The following FGF14 variants were observed in gnomAD, a reference collection of about 807,000 sequenced individuals.
The protein encoded by FGF14 is fibroblast growth factor 14.
In FGF14, 5 loss-of-function variants were observed where a neutral mutation model predicts 25.5. The observed-to-expected ratio is 0.20, with a 90% CI of 0.10 to 0.41. The LOEUF (loss-of-function observed/expected upper bound fraction) is 0.41. FGF14 is among the 10% of genes least tolerant of loss of function. FGF14 has a pLI of 1.00. For synonymous variants in FGF14, 138 were observed against 118.3 expected, an observed-to-expected ratio of 1.17 and a Z score of -1.08; for missense variants, 222 against 320.1, an observed-to-expected ratio of 0.69 and a Z score of 2.34.
chr13:102,258,137 A>C (rs376209228), intron 1 of FGF14, among the ~76,000 whole-genome samples: 1 of 152,136 alleles, frequency 6.6e-6, no homozygotes, highest in Non-Finnish European at 1.5e-5. Flanking sequence ...ATCTTGTAAG[A>C]CTTCTTCACT....
At chr13:102,050,697 G>A (rs61966527) in intron 1 of FGF14, among the ~76,000 whole-genome samples, 4 of 152,016 alleles carry the variant, frequency 2.6e-5, no homozygotes, top group East Asian at 1.9e-4. Flanking sequence ...AAGAAAAAGC[G>A]CAGATAGCTA....
chr13:101,934,949 GTGT>G (rs1167593372), intron 1 of FGF14, among the ~76,000 whole-genome samples: 2 of 152,086 alleles, frequency 1.3e-5, no homozygotes, highest in South Asian at 2.1e-4. Context: ...GTATAATACA[GTGT>G]TGTTATCTAC....
chr13:102,119,409 T>C (rs774984601), intron 1 of FGF14, among the ~76,000 whole-genome samples: 3 of 152,108 alleles, frequency 2.0e-5, no homozygotes, highest in African/African-American at 4.8e-5. Flanking sequence ...TGCAATGCAA[T>C]AACCTTGATT....
intron 4 of FGF14, among the ~76,000 whole-genome samples, chr13:101,726,100 A>T (rs2035404059): frequency 6.6e-6 from 1 of 152,034 alleles, no homozygotes; most frequent in Non-Finnish European, 1.5e-5. Flanking sequence ...TAATATCAGC[A>T]AGTTCTTTAA....
At chr13:102,267,788 G>C (rs945873363) in intron 1 of FGF14, among the ~76,000 whole-genome samples, 4 of 152,062 alleles carry the variant, frequency 2.6e-5, no homozygotes, top group Admixed American at 2.6e-4. Flanking sequence ...TAAAATTTGG[G>C]GGTAAAAGAA....
At chr13:101,932,550 G>T (rs199986043) in intron 1 of FGF14, among the ~76,000 whole-genome samples, 1 of 107,652 alleles carries the variant, frequency 9.3e-6, no homozygotes, top group African/African-American at 5.0e-5. Flanking sequence ...AAAAAAAAAG[G>T]AAAAAAGAAA....
intron 1 of FGF14, among the ~76,000 whole-genome samples, chr13:102,137,590 T>C (rs370278919): frequency 2.6e-5 from 4 of 152,172 alleles, no homozygotes; most frequent in African/African-American, 9.6e-5. Context: ...CACCTTGAAT[T>C]TGTAGGTGAA....
chr13:102,041,392 C>A (rs1202280405), intron 1 of FGF14, among the ~76,000 whole-genome samples: 1 of 151,800 alleles, frequency 6.6e-6, no homozygotes, highest in Non-Finnish European at 1.5e-5. Context: ...ATGACAGTTA[C>A]AAATTCAAGC....
intron 1 of FGF14, among the ~76,000 whole-genome samples, chr13:102,237,386 G>A (rs536196072): frequency 5.3e-5 from 8 of 152,264 alleles, no homozygotes; most frequent in South Asian, 2.1e-4. Context: ...CAAAAGCCCC[G>A]GAGAGGCTCT....
At chr13:102,083,750 G>A (rs2043753427) in intron 1 of FGF14, among the ~76,000 whole-genome samples, 1 of 152,198 alleles carries the variant, frequency 6.6e-6, no homozygotes, top group Admixed American at 6.5e-5. Flanking sequence ...ACTGCCGCGG[G>A]CACACTTTCT....
At chr13:101,876,798 G>A (rs939023024) in intron 1 of FGF14, among the ~76,000 whole-genome samples, 2 of 151,932 alleles carry the variant, frequency 1.3e-5, no homozygotes, top group Non-Finnish European at 2.9e-5. Flanking sequence ...ATGCACTAGT[G>A]GAAAAAAAAT....
chr13:102,097,756 G>A (rs2044468859), intron 1 of FGF14, among the ~76,000 whole-genome samples: 1 of 152,176 alleles, frequency 6.6e-6, no homozygotes, highest in Non-Finnish European at 1.5e-5. Context: ...TTTTCCCAGA[G>A]CACATCTGTC....
At chr13:101,991,827 C>T (rs1428704096) in intron 1 of FGF14, among the ~76,000 whole-genome samples, 5 of 152,070 alleles carry the variant, frequency 3.3e-5, no homozygotes, top group African/African-American at 4.8e-5. Flanking sequence ...CCCACACTTT[C>T]TTAAATTTTA....
At chr13:102,080,978 T>C (rs1001793047) in intron 1 of FGF14, among the ~76,000 whole-genome samples, 1 of 152,324 alleles carries the variant, frequency 6.6e-6, no homozygotes, top group East Asian at 1.9e-4. Flanking sequence ...GACCCATTCC[T>C]TTGCATGAGG....
In FGF14 at chr13:102,363,661, AC is replaced by A. The variant is rs369518440; in HGVS notation, c.208+37809del. Among the ~76,000 whole-genome samples the A allele has an allele frequency of 4.0e-3, 607 of 152,318 alleles. 5 individuals carry two copies. Among genetic ancestry groups the A allele is most frequent in the African/African-American group, 0.014 (580 of 41,572 alleles). On this transcript the variant is annotated intron_variant, in intron 1 of 4. Transcript: ENST00000376131. ...AGGAAAAACAAAAGGCATTTCTTGAACCAGAGAAAATATATTATTCTTTATT... is the reference window on the plus strand; with the variant it reads ...AGGAAAAACAAAAGGCATTTCTTGAACAGAGAAAATATATTATTCTTTATT...
intron 1 of FGF14, among the ~76,000 whole-genome samples, chr13:102,188,568 G>C (rs1248549583): frequency 6.6e-6 from 1 of 152,054 alleles, no homozygotes; most frequent in African/African-American, 2.4e-5. Flanking sequence ...TCTGGCAGAG[G>C]GCTAGTGCTA....
chr13:102,365,467 C>T (rs2057683602), intron 1 of FGF14, among the ~76,000 whole-genome samples: 1 of 152,136 alleles, frequency 6.6e-6, no homozygotes. Context: ...CTGCTGCAGC[C>T]ACCCCTCTGG....
intron 1 of FGF14, among the ~76,000 whole-genome samples, chr13:102,206,509 T>C (rs1277736664): frequency 6.6e-6 from 1 of 152,000 alleles, no homozygotes; most frequent in Non-Finnish European, 1.5e-5. Flanking sequence ...GATGAAAACC[T>C]GTCTCCACCA....
Position 101,872,824 on chromosome 13 carries a change from G to A in FGF14, c.304+2362C>T, listed in dbSNP as rs7994399. On this transcript the variant is annotated intron_variant, in intron 2 of 4. Transcript: ENST00000376143. ...CAGTGCACTTGAAATGCAATATAAT[G>A]TCTCAGAAAAGCTGTGGACCAGAAC... Among the ~76,000 whole-genome samples the A allele has an allele frequency of 8.4e-3, 1,282 of 152,100 alleles. 10 individuals carry two copies. Among genetic ancestry groups the A allele is most frequent in the Admixed American group, 0.014 (206 of 15,258 alleles).
Sources: gnomAD v4.1 joint callset for allele counts (sites outside exome capture counted in the v4.1 genomes callset) on GRCh38, gnomAD v4.1.1 for gene constraint, MANE v1.5 for transcripts, NCBI Gene and HGNC (gene_info 2026-07-23, HGNC 2026-07-21) for gene names.